CAMTA1: variants seen among roughly 807,000 people sequenced by gnomAD.
CAMTA1 encodes calmodulin binding transcription activator 1.
Under a neutral mutation model 170.9 loss-of-function variants are expected in CAMTA1, and 27 were observed. The observed-to-expected ratio is 0.16, with a 90% confidence interval of 0.12 to 0.22. CAMTA1 has a LOEUF of 0.22. CAMTA1 is among the 10% of genes least tolerant of loss of function. The probability of loss-of-function intolerance (pLI) is 1.00; values close to 1 mark genes in which losing one functional copy is unlikely to be tolerated. For synonymous variants in CAMTA1, 833 were observed against 891.5 expected (o/e 0.93, Z 1.17); for missense variants, 1,619 against 2,217.2 (o/e 0.73, Z 5.42).
At position 6,970,309 on chromosome 1, in the gene CAMTA1, T is replaced by C. The variant is rs1202357334; in HGVS notation, c.235-120995T>C. Among the ~76,000 whole-genome samples, 1 of 152,198 alleles carries C rather than the reference T, an allele frequency of 6.6e-6. No individual in the cohort carries two copies. The highest frequency in any genetic ancestry group is 2.4e-5 in the African/African-American group (1 of 41,430). ...TGTAATCCTAATGTGTACGGGACCT[T>C]ATGTCCTGCTTTGCTTGCACGACGT... On this transcript the variant is annotated intron_variant, in intron 3 of 22. Transcript: ENST00000303635. The surrounding 1 kb of genome is among the most constrained non-coding windows in gnomAD (Gnocchi z 4.4).
rs1288478715 is a variant in CAMTA1, at chr1:7,333,567, T to C, written c.438+83941T>C. 6.6e-6 allele frequency among the ~76,000 whole-genome samples: 1 copy of C among 152,138 alleles called. No individual in the cohort carries two copies. Among genetic ancestry groups the C allele is most frequent in the Non-Finnish European group, 1.5e-5 (1 of 68,022 alleles). Reference sequence around the variant, plus strand: ...GCAGCCAAGGCATTGGATCTTCATATTGGATCCAGGAAGACAACTTTGTGA... The same window carrying C: ...GCAGCCAAGGCATTGGATCTTCATACTGGATCCAGGAAGACAACTTTGTGA... On this transcript the variant is annotated intron_variant, in intron 5 of 22. Coordinates refer to ENST00000303635, the MANE Select transcript of CAMTA1 (RefSeq NM_015215.4). The surrounding 1 kb of genome is among the most constrained non-coding windows in gnomAD (Gnocchi z 4.4).
At chr1:7,345,865 G>A (rs559110589) in intron 5 of CAMTA1, among the ~76,000 whole-genome samples, 118 of 152,268 alleles carry the variant, frequency 7.7e-4, no homozygotes, top group Admixed American at 1.6e-3. Flanking sequence ...GAATCCCACC[G>A]CATCTGTGGA....
At chr1:7,387,952 G>A (rs2088200940) in intron 5 of CAMTA1, among the ~76,000 whole-genome samples, 1 of 152,084 alleles carries the variant, frequency 6.6e-6, no homozygotes, top group Non-Finnish European at 1.5e-5. Flanking sequence ...GTTTACTGGG[G>A]GAGGCCTTCA....
At chr1:7,621,410 T>C (rs897332766) in intron 6 of CAMTA1, among the ~76,000 whole-genome samples, 5 of 152,228 alleles carry the variant, frequency 3.3e-5, no homozygotes, top group Non-Finnish European at 5.9e-5. Context: ...GAATTTCCCC[T>C]TGGCTCCTGA....
intron 11 of CAMTA1, among the ~76,000 whole-genome samples, chr1:7,723,246 G>C (rs1424872948): frequency 1.3e-5 from 2 of 152,160 alleles, no homozygotes; most frequent in Non-Finnish European, 2.9e-5. Context: ...TGCCAGAAAG[G>C]AAGGAAGTGC....
At chr1:7,026,397 T>C (rs1022864517) in intron 3 of CAMTA1, among the ~76,000 whole-genome samples, 1 of 151,968 alleles carries the variant, frequency 6.6e-6, no homozygotes, top group African/African-American at 2.4e-5. Context: ...TCAGAATGTA[T>C]TGTGGGAGTG....
intron 6 of CAMTA1, among the ~76,000 whole-genome samples, chr1:7,573,886 G>A (rs892549401): frequency 2.0e-5 from 3 of 152,106 alleles, no homozygotes; most frequent in Admixed American, 2.0e-4. Context: ...CGATTCTCCT[G>A]CCTCAGCCTC....
At chr1:7,166,609 C>T (rs906979102) in intron 4 of CAMTA1, among the ~76,000 whole-genome samples, 1 of 152,150 alleles carries the variant, frequency 6.6e-6, no homozygotes, top group Non-Finnish European at 1.5e-5. Context: ...TGGGTTTCTT[C>T]TGTGAATTGC....
intron 11 of CAMTA1, among the ~76,000 whole-genome samples, chr1:7,703,611 GCCC>G (rs1417564811): frequency 6.6e-6 from 1 of 152,156 alleles, no homozygotes; most frequent in Non-Finnish European, 1.5e-5. Flanking sequence ...AAGAGACTCC[GCCC>G]CCAATTTCGA....
chr1:7,693,894 G>C (rs2096346251), intron 11 of CAMTA1: 3 of 152,146 alleles, frequency 2.0e-5, no homozygotes, highest in Non-Finnish European at 4.4e-5. Context: ...TCACATTGTT[G>C]GTCTTTCTGG....
chr1:6,867,922 C>T (rs1667157496), intron 3 of CAMTA1, among the ~76,000 whole-genome samples: 1 of 151,988 alleles, frequency 6.6e-6, no homozygotes, highest in Admixed American at 6.6e-5. Flanking sequence ...TTCCTTCTGC[C>T]TCAGCCTCCT....
chr1:7,218,472 G>T, intron 4 of CAMTA1, among the ~76,000 whole-genome samples: 1 of 152,006 alleles, frequency 6.6e-6, no homozygotes, highest in East Asian at 1.9e-4. Flanking sequence ...CTGGTTTTTG[G>T]GGGAGGGGCG....
chr1:7,323,255 A>C (rs1295399286), intron 5 of CAMTA1, among the ~76,000 whole-genome samples: 12 of 151,956 alleles, frequency 7.9e-5, no homozygotes, highest in Admixed American at 6.6e-4. Flanking sequence ...TATTTCTTCT[A>C]AGATTTATGG....
At chr1:7,606,745 C>G (rs1437787957) in intron 6 of CAMTA1, among the ~76,000 whole-genome samples, 1 of 152,208 alleles carries the variant, frequency 6.6e-6, no homozygotes, top group East Asian at 1.9e-4. Flanking sequence ...AACCTCAAAC[C>G]CTAGGAGAGG....
chr1:7,506,867 G>A (rs192605738), intron 6 of CAMTA1, among the ~76,000 whole-genome samples: 3 of 151,302 alleles, frequency 2.0e-5, no homozygotes, highest in Admixed American at 6.6e-5. Flanking sequence ...ATTCACACTC[G>A]CTTTCATACT....
intron 5 of CAMTA1, among the ~76,000 whole-genome samples, chr1:7,339,075 C>T (rs939853877): frequency 5.9e-5 from 9 of 152,136 alleles, no homozygotes; most frequent in Non-Finnish European, 1.2e-4. Context: ...GGGGGAACTC[C>T]GCCCCCTCCC....
At chr1:7,311,783 A>T (rs767516143) in intron 5 of CAMTA1, among the ~76,000 whole-genome samples, 1 of 152,118 alleles carries the variant, frequency 6.6e-6, no homozygotes, top group Non-Finnish European at 1.5e-5. Flanking sequence ...ACTTTTGTGG[A>T]CTGTGCTTTC....
intron 5 of CAMTA1, among the ~76,000 whole-genome samples, chr1:7,328,291 G>C (rs1449914300): frequency 6.6e-6 from 1 of 152,134 alleles, no homozygotes; most frequent in Non-Finnish European, 1.5e-5. Flanking sequence ...TCAGGAGTTT[G>C]AGACCAGCCT....
Position 6,909,209 on chromosome 1 carries a change from T to A in CAMTA1, c.234+83999T>A, listed in dbSNP as rs377242356. 9.6e-4 allele frequency among the ~76,000 whole-genome samples: 147 copies of A among 152,362 alleles called. 3 individuals are homozygous for A. The highest frequency in any genetic ancestry group is 8.1e-3 in the South Asian group (39 of 4,834). On this transcript the variant is annotated intron_variant, in intron 3 of 22. Transcript: ENST00000303635. Reference sequence around the variant, plus strand: ...GAAGTATTAGATGTGGACTGGAGAATCCTTGGGACTTTTAATAATTTAGAT... The same window carrying A: ...GAAGTATTAGATGTGGACTGGAGAAACCTTGGGACTTTTAATAATTTAGAT...
Sources: allele counts gnomAD v4.1 joint callset (sites outside exome capture counted in the v4.1 genomes callset), GRCh38; gene constraint gnomAD v4.1.1; non-coding constraint Gnocchi (gnomAD v3.1); transcripts MANE v1.5; gene names NCBI Gene and HGNC (gene_info 2026-07-23, HGNC 2026-07-21).